The following GHR variants were observed in gnomAD, a reference collection of about 807,000 sequenced individuals.
GHR encodes the protein GH receptor.
In GHR, 35 loss-of-function variants were observed where a neutral mutation model predicts 67.1. The observed-to-expected ratio is 0.52, with a 90% CI of 0.40 to 0.69. The LOEUF is 0.69. Ranked by LOEUF, GHR falls within the 30% of genes least tolerant of loss-of-function variation. The pLI is 0.00. For missense variants in GHR, 792 were observed against 764.6 expected (o/e 1.04, Z -0.42); for synonymous variants, 272 against 269.1 (o/e 1.01, Z -0.10).
At chr5:42,531,833 G>A (rs1579882965) in intron 1 of GHR, among the ~76,000 whole-genome samples, 2 of 152,092 alleles carry the variant, frequency 1.3e-5, no homozygotes, top group East Asian at 3.9e-4. Flanking sequence ...CCATGGTACG[G>A]CTCACCAAAG....
At chr5:42,646,338 G>A (rs751061028) in intron 3 of GHR, 2 of 454,786 alleles carry the variant, frequency 4.4e-6, no homozygotes, top group Admixed American at 2.4e-5. Context: ...GCAGGATGGG[G>A]TCCATGCTCA....
intron 1 of GHR, among the ~76,000 whole-genome samples, chr5:42,498,031 C>T (rs1448101173): frequency 1.3e-5 from 2 of 152,096 alleles, no homozygotes; most frequent in African/African-American, 2.4e-5. Flanking sequence ...TAATATTTTG[C>T]GTTAGAAGAG....
intron 6 of GHR, among the ~76,000 whole-genome samples, chr5:42,709,425 G>A (rs1014951120): frequency 2.0e-5 from 3 of 152,200 alleles, no homozygotes; most frequent in Admixed American, 1.3e-4. Flanking sequence ...TTATAGGCAT[G>A]AGCCACTGTG....
intron 2 of GHR, among the ~76,000 whole-genome samples, chr5:42,576,133 TAAAATAAAATA>T (rs1750721141): frequency 1.1e-5 from 1 of 93,172 alleles, no homozygotes; most frequent in African/African-American, 4.6e-5. Context: ...TAAAATAAAA[TAAAATAAAATA>T]GTAAAGTAAA....
chr5:42,625,589 T>A (rs1206675931), intron 2 of GHR, among the ~76,000 whole-genome samples: 1 of 152,080 alleles, frequency 6.6e-6, no homozygotes, highest in Admixed American at 6.6e-5. Flanking sequence ...GCATAAGACA[T>A]CAATCAAATA....
chr5:42,456,645 G>T (rs973528663), intron 1 of GHR, among the ~76,000 whole-genome samples: 1 of 152,156 alleles, frequency 6.6e-6, no homozygotes, highest in Non-Finnish European at 1.5e-5. Context: ...TGTTCCTGTT[G>T]CCTTCCTGGC....
chr5:42,463,549 T>C (rs1379481491), intron 1 of GHR, among the ~76,000 whole-genome samples: 2 of 152,294 alleles, frequency 1.3e-5, no homozygotes, highest in Non-Finnish European at 2.9e-5. Context: ...CCTGGAAAAT[T>C]TTCAAATGGG....
chr5:42,427,043 T>C (rs1048654299), intron 1 of GHR, among the ~76,000 whole-genome samples: 3 of 152,234 alleles, frequency 2.0e-5, no homozygotes, highest in Admixed American at 6.5e-5. Flanking sequence ...ACAATGAATC[T>C]AGTCTCTTTT....
intron 2 of GHR, among the ~76,000 whole-genome samples, chr5:42,621,797 G>C (rs1242087367): frequency 6.6e-6 from 1 of 152,084 alleles, no homozygotes; most frequent in Non-Finnish European, 1.5e-5. Flanking sequence ...AAATTCTCTA[G>C]CTCATGTAAT....
chr5:42,462,575 A>G (rs1744532406), intron 1 of GHR, among the ~76,000 whole-genome samples: 1 of 152,164 alleles, frequency 6.6e-6, no homozygotes, highest in Non-Finnish European at 1.5e-5. Context: ...TTATATAAAT[A>G]ATTACCTTAT....
intron 1 of GHR, among the ~76,000 whole-genome samples, chr5:42,563,624 CAAAAAA>C (rs1168788232): frequency 3.1e-3 from 141 of 45,098 alleles, no homozygotes; most frequent in African/African-American, 0.011. Context: ...GACTCCGTCT[CAAAAAA>C]AAAAAAAAAA....
rs1757282140 is a variant in GHR, at chr5:42,688,828, CT to C, written c.137-61del. The C allele has an allele frequency of 4.3e-5, 63 of 1,475,814 alleles. 2 individuals are homozygous for C. In the South Asian group the frequency reaches 7.0e-4, roughly 16 times the overall value. The allele number at this position is 1,475,814 out of a possible 1,614,324, so 91.4% of individuals were successfully genotyped here. On this transcript the variant is annotated intron_variant, in intron 3 of 9. Transcript: ENST00000230882. Reference sequence around the variant, plus strand: ...TTCTTCACACACTTTAGATACGTGTCTCATTAGGATCACATATGACTCACCT... The same window carrying C: ...TTCTTCACACACTTTAGATACGTGTCCATTAGGATCACATATGACTCACCT...
intron 2 of GHR, among the ~76,000 whole-genome samples, chr5:42,623,198 T>C (rs1753542846): frequency 6.6e-6 from 1 of 152,170 alleles, no homozygotes; most frequent in Non-Finnish European, 1.5e-5. Flanking sequence ...TAGATACTTT[T>C]ACTCTCTCAA....
intron 3 of GHR, among the ~76,000 whole-genome samples, chr5:42,642,371 C>A (rs999137481): frequency 3.9e-5 from 6 of 152,122 alleles, no homozygotes; most frequent in African/African-American, 1.4e-4. Flanking sequence ...ATAACCAGTT[C>A]TTATGTTCCC....
At chr5:42,658,577 C>A (rs4242117) in intron 3 of GHR, among the ~76,000 whole-genome samples, 99,461 of 152,030 alleles carry the variant, frequency 0.65, 33,982 homozygotes, top group East Asian at 0.82. Context: ...GTAATCAGAG[C>A]ATCTGCAATT....
At chr5:42,673,548 T>C (rs1756423746) in intron 3 of GHR, among the ~76,000 whole-genome samples, 1 of 152,120 alleles carries the variant, frequency 6.6e-6, no homozygotes, top group Non-Finnish European at 1.5e-5. Context: ...GTGGATTGGA[T>C]TAAAAAATGT....
chr5:42,510,459 T>A (rs191321223), intron 1 of GHR, among the ~76,000 whole-genome samples: 31 of 152,332 alleles, frequency 2.0e-4, no homozygotes, highest in African/African-American at 6.5e-4. Context: ...TGGGCAGATG[T>A]TTCTGCTATA....
chr5:42,707,697 C>CTG (rs141381999), intron 6 of GHR, among the ~76,000 whole-genome samples: 67 of 151,350 alleles, frequency 4.4e-4, no homozygotes, highest in East Asian at 1.7e-3. Context: ...TCCTAGGTTT[C>CTG]TGTGTGTGTG....
rs2972779 is a variant in GHR at position 42,713,939 on chromosome 5, A to T, written c.875+420A>T. On this transcript the variant is annotated intron_variant, in intron 8 of 9. Transcript: ENST00000230882. Reference sequence around the variant, plus strand: ...CAATTTTTTTTTTTCCTTGAGACGGAGTCTTACTCTGTTGCCCAGGCTGGA... The same window carrying T: ...CAATTTTTTTTTTTCCTTGAGACGGTGTCTTACTCTGTTGCCCAGGCTGGA... The T allele has an allele frequency of 2.0e-3, 319 of 163,586 alleles. 2 individuals are homozygous for T. Among genetic ancestry groups the T allele is most frequent in the African/African-American group, 7.3e-3 (302 of 41,396 alleles). 10.1% of individuals were successfully genotyped at this position (163,586 alleles called of 1,614,324 possible). A position where few individuals can be genotyped will look rare whatever the true frequency, so the allele number is the denominator to read the frequency against.
Sources: allele counts gnomAD v4.1 joint callset (sites outside exome capture counted in the v4.1 genomes callset), GRCh38; gene constraint gnomAD v4.1.1; transcripts MANE v1.5; gene names NCBI Gene and HGNC (gene_info 2026-07-23, HGNC 2026-07-21).